PKD1L1: variants seen among roughly 807,000 people sequenced by gnomAD.
PKD1L1 encodes polycystin 1 like 1, transient receptor potential channel interacting.
A neutral mutation model predicts 323.4 loss-of-function variants in PKD1L1; 236 were observed. That is an observed-to-expected ratio of 0.73 (90% CI 0.66 to 0.81). PKD1L1 has a LOEUF of 0.81. PKD1L1 is among the 40% of genes least tolerant of loss of function. The pLI, the probability that PKD1L1 is intolerant of heterozygous loss-of-function variation, is 0.00. For missense variants in PKD1L1, 3,320 were observed against 3,508.0 expected (o/e 0.95, Z 1.35); for synonymous variants, 1,344 against 1,335.0 (o/e 1.01, Z -0.15).
At chr7:47,928,724 G>A (rs1238804957) in intron 7 of PKD1L1, among the ~76,000 whole-genome samples, 1 of 152,162 alleles carries the variant, frequency 6.6e-6, no homozygotes, top group Admixed American at 6.5e-5. Context: ...TCCAACGCTG[G>A]AATGTAAAGA....
intron 43 of PKD1L1, 135 bp from the exon 44 acceptor site, chr7:47,829,736 G>T: frequency 1.0e-6 from 1 of 989,528 alleles, no homozygotes; most frequent in Non-Finnish European, 1.5e-6. Flanking sequence ...TCACTGCCTT[G>T]GATTCCCAGC....
At chr7:47,885,416 C>T (rs539646528) in intron 18 of PKD1L1, among the ~76,000 whole-genome samples, 1 of 152,296 alleles carries the variant, frequency 6.6e-6, no homozygotes, top group South Asian at 2.1e-4. Flanking sequence ...GTGGAGTAAA[C>T]AACTACTGTA....
At chr7:47,830,419 T>A (rs951131660) in intron 42 of PKD1L1, among the ~76,000 whole-genome samples, 1 of 151,652 alleles carries the variant, frequency 6.6e-6, no homozygotes, top group Non-Finnish European at 1.5e-5. Flanking sequence ...GGAAAATGGG[T>A]TGGGGTATAA....
intron 42 of PKD1L1, among the ~76,000 whole-genome samples, chr7:47,830,693 T>C (rs898035179): frequency 6.6e-6 from 1 of 152,194 alleles, no homozygotes; most frequent in Non-Finnish European, 1.5e-5. Flanking sequence ...GCTTTGAGGC[T>C]ACTCTTTGTG....
chr7:47,847,140 G>T (rs1451760651), intron 31 of PKD1L1, 69 bp from the exon 32 acceptor site: 3 of 1,297,668 alleles, frequency 2.3e-6, no homozygotes, highest in South Asian at 3.5e-5. Flanking sequence ...CATTTCAAAC[G>T]CAGACAGAGT....
chr7:47,950,424 T>C (rs1049483615), upstream of PKD1L1, among the ~76,000 whole-genome samples: 1 of 152,208 alleles, frequency 6.6e-6, no homozygotes, highest in Non-Finnish European at 1.5e-5. Flanking sequence ...GAAATATGCC[T>C]GCACTGCCCT....
At chr7:47,832,978 G>C (rs1785378175) in intron 41 of PKD1L1, 112 bp downstream of exon 41, 2 of 1,368,178 alleles carry the variant, frequency 1.5e-6, no homozygotes, top group Non-Finnish European at 2.0e-6. Flanking sequence ...GATGAGACTA[G>C]AGTATTCAGT....
At chr7:47,831,852 T>C (rs1785354873) in intron 41 of PKD1L1, among the ~76,000 whole-genome samples, 1 of 152,180 alleles carries the variant, frequency 6.6e-6, no homozygotes, top group South Asian at 2.1e-4. Context: ...TGACCTGGAA[T>C]CTGAGGGTCT....
intron 46 of PKD1L1, among the ~76,000 whole-genome samples, chr7:47,817,809 G>A (rs1785052509): frequency 6.6e-6 from 1 of 152,278 alleles, no homozygotes; most frequent in Non-Finnish European, 1.5e-5. Context: ...GGCAGAGGCT[G>A]CAGTGAGCCG....
chr7:47,917,170 A>G (rs1019599738), intron 7 of PKD1L1, among the ~76,000 whole-genome samples: 48 of 152,188 alleles, frequency 3.2e-4, no homozygotes, highest in Non-Finnish European at 1.5e-4. Flanking sequence ...CACTTATAGA[A>G]ATGCAAAATG....
intron 24 of PKD1L1, among the ~76,000 whole-genome samples, chr7:47,870,754 T>C (rs1385680108): frequency 1.3e-5 from 2 of 152,084 alleles, no homozygotes; most frequent in Admixed American, 1.3e-4. Context: ...ATCCCAGCAC[T>C]TTGGGAGGCC....
chr7:47,889,113 C>T (rs1382584689), intron 16 of PKD1L1, among the ~76,000 whole-genome samples: 1 of 152,040 alleles, frequency 6.6e-6, no homozygotes, highest in Non-Finnish European at 1.5e-5. Flanking sequence ...TGAAAGGGTG[C>T]ATCTGTGTGG....
At chr7:47,787,526 A>G (rs1389401205) in intron 56 of PKD1L1, among the ~76,000 whole-genome samples, 1 of 152,184 alleles carries the variant, frequency 6.6e-6, no homozygotes, top group Non-Finnish European at 1.5e-5. Context: ...ATTAGTATAG[A>G]TTACTATGTG....
At chr7:47,817,230 AAAACAAAC>A (rs566520119) in intron 46 of PKD1L1, among the ~76,000 whole-genome samples, 10 of 152,146 alleles carry the variant, frequency 6.6e-5, no homozygotes, top group South Asian at 2.1e-4. Context: ...GACTTCATCT[AAAACAAAC>A]AAACAAACAA....
chr7:47,893,000 G>T (rs1306020379), intron 15 of PKD1L1, among the ~76,000 whole-genome samples: 1 of 152,172 alleles, frequency 6.6e-6, no homozygotes, highest in Non-Finnish European at 1.5e-5. Context: ...GGACGCCAAG[G>T]CAGGCAGATC....
At chr7:47,790,620 C>T (rs1202224859) in intron 56 of PKD1L1, among the ~76,000 whole-genome samples, 1 of 152,068 alleles carries the variant, frequency 6.6e-6, no homozygotes, top group Non-Finnish European at 1.5e-5. Flanking sequence ...CGTGAGTCAC[C>T]GCACCGGGCC....
the PKD1L1 span, among the ~76,000 whole-genome samples, chr7:47,959,038 G>A: frequency 6.6e-6 from 1 of 152,278 alleles, no homozygotes; most frequent in African/African-American, 2.4e-5. Flanking sequence ...TGGCCGGGCT[G>A]GTCTCCAGCT....
chr7:47,855,865 G>C (rs1479096072), intron 28 of PKD1L1, among the ~76,000 whole-genome samples: 2 of 49,588 alleles, frequency 4.0e-5, no homozygotes, highest in Non-Finnish European at 3.1e-5. Context: ...GACAGAGCGA[G>C]ACTCCGTCTC....
At chr7:47,857,171 C>G (rs1344172965) in intron 28 of PKD1L1, among the ~76,000 whole-genome samples, 1 of 152,232 alleles carries the variant, frequency 6.6e-6, no homozygotes, top group Non-Finnish European at 1.5e-5. Flanking sequence ...TAAGCACTGC[C>G]ATGTCCTCAG....
Sources: allele counts gnomAD v4.1 joint callset (sites outside exome capture counted in the v4.1 genomes callset), GRCh38; gene constraint gnomAD v4.1.1; transcripts MANE v1.5; gene names NCBI Gene and HGNC (gene_info 2026-07-23, HGNC 2026-07-21).